GALNT13: variants seen among roughly 807,000 people sequenced by gnomAD.
GALNT13 encodes the protein UDP-GalNAc:polypeptide N-acetylgalactosaminyltransferase 13.
Under a neutral mutation model 64.2 loss-of-function variants are expected in GALNT13, and 28 were observed. The observed-to-expected ratio is 0.44, with a 90% CI of 0.32 to 0.60. The LOEUF is 0.60. Among genes scored for constraint, GALNT13 ranks in the 20% least tolerant of loss-of-function variants. The pLI is 0.05. For synonymous variants in GALNT13, 214 were observed against 224.6 expected (o/e 0.95, Z 0.42); for missense variants, 577 against 669.8 (o/e 0.86, Z 1.53).
the GALNT13 span, among the ~76,000 whole-genome samples, chr2:153,345,700 T>TTTCC: frequency 1.1e-4 from 15 of 140,568 alleles, no homozygotes; most frequent in Non-Finnish European, 2.0e-4. Flanking sequence ...TCTTTCTTTC[T>TTTCC]TTCTCTTTCT....
intron 4 of GALNT13, among the ~76,000 whole-genome samples, chr2:154,162,257 A>G (rs1225711998): frequency 6.6e-6 from 1 of 152,244 alleles, no homozygotes; most frequent in Non-Finnish European, 1.5e-5. Flanking sequence ...GTGGGGAAAT[A>G]TCTGTTTAAC....
intron 4 of GALNT13, among the ~76,000 whole-genome samples, chr2:154,175,824 C>A (rs1458870051): frequency 2.0e-5 from 3 of 152,062 alleles, no homozygotes; most frequent in South Asian, 4.1e-4. Flanking sequence ...CAGACACTTG[C>A]AACTATAATG....
chr2:153,630,736 A>C, the GALNT13 span, among the ~76,000 whole-genome samples: 1 of 133,482 alleles, frequency 7.5e-6, no homozygotes, highest in East Asian at 2.3e-4. Flanking sequence ...GTTAGACCTG[A>C]AACCATAAAA....
intron 12 of GALNT13, among the ~76,000 whole-genome samples, chr2:154,445,592 C>A (rs903852423): frequency 4.6e-5 from 7 of 151,666 alleles, no homozygotes; most frequent in African/African-American, 1.2e-4. Flanking sequence ...TTTATAGTTA[C>A]AGTTTTAATA....
the GALNT13 span, among the ~76,000 whole-genome samples, chr2:153,810,145 A>G: frequency 1.3e-5 from 2 of 151,948 alleles, no homozygotes; most frequent in African/African-American, 4.8e-5. Context: ...GTATTTTTTT[A>G]GTAGAGACAG....
Position 154,119,843 on chromosome 2 carries a change from G to A in GALNT13, c.143-20494G>A, listed in dbSNP as rs571649163. ...TGTATTGTTTTCCAAACTTTATTACGTTTTTCATCCATATATCCTTGTACT... is the reference window on the plus strand; with the variant it reads ...TGTATTGTTTTCCAAACTTTATTACATTTTTCATCCATATATCCTTGTACT... On this transcript the variant is annotated intron_variant, in intron 3 of 12. Coordinates refer to ENST00000392825, the MANE Select transcript of GALNT13 (RefSeq NM_052917.4). 1.4e-4 allele frequency among the ~76,000 whole-genome samples: 22 copies of A among 152,016 alleles called. No homozygotes were observed. The East Asian group carries it at 1.7e-3, about 12-fold the overall frequency.
At position 154,151,131 on chromosome 2, in the gene GALNT13, C is replaced by G. The variant is rs981187210; in HGVS notation, c.311+10626C>G. On this transcript the variant is annotated intron_variant, in intron 4 of 12. Coordinates refer to ENST00000392825, the MANE Select transcript of GALNT13 (RefSeq NM_052917.4). ...TCCCAGAGATTCTGGTATGTTGTGT[C>G]TTTGTTCTTGTTGGTTTCAAAGAAC... Among the ~76,000 whole-genome samples, 4 of 152,156 alleles carry G rather than the reference C, an allele frequency of 2.6e-5. No homozygotes were observed. In the South Asian group the frequency reaches 6.2e-4, roughly 24 times the overall value.
the GALNT13 span, among the ~76,000 whole-genome samples, chr2:153,727,030 C>G: frequency 1.3e-5 from 2 of 151,702 alleles, no homozygotes; most frequent in East Asian, 3.9e-4. Context: ...ACCATTGGGT[C>G]CAAACTGCTG....
At chr2:153,764,536 CA>C in the GALNT13 span, among the ~76,000 whole-genome samples, 5 of 148,808 alleles carry the variant, frequency 3.4e-5, no homozygotes, top group Admixed American at 1.3e-4. Flanking sequence ...AACTCCATCT[CA>C]AAAAAAAAGC....
the GALNT13 span, among the ~76,000 whole-genome samples, chr2:153,098,621 T>A: frequency 2.0e-5 from 3 of 152,240 alleles, no homozygotes; most frequent in African/African-American, 7.2e-5. Flanking sequence ...TTGTTGCATA[T>A]GGCTGTATTT....
chr2:153,605,285 C>G, the GALNT13 span, among the ~76,000 whole-genome samples: 1 of 152,024 alleles, frequency 6.6e-6, no homozygotes. Context: ...TTGATTGACT[C>G]TAGACCAAAA....
At chr2:154,068,407 A>G (rs750312608) in intron 3 of GALNT13, among the ~76,000 whole-genome samples, 32 of 151,994 alleles carry the variant, frequency 2.1e-4, no homozygotes, top group Non-Finnish European at 4.0e-4. Context: ...AGATATAGAC[A>G]TACTCCCATG....
the GALNT13 span, among the ~76,000 whole-genome samples, chr2:153,404,625 T>C: frequency 4.6e-5 from 7 of 152,196 alleles, no homozygotes; most frequent in Admixed American, 1.3e-4. Context: ...ATAATAAATT[T>C]GGAATCCAGG....
intron 3 of GALNT13, among the ~76,000 whole-genome samples, chr2:154,123,648 C>T (rs570132067): frequency 2.6e-5 from 4 of 151,972 alleles, no homozygotes; most frequent in South Asian, 4.1e-4. Context: ...CCTTAGAGAA[C>T]GGTTTGTCAT....
At chr2:153,232,376 C>T in the GALNT13 span, among the ~76,000 whole-genome samples, 2 of 152,124 alleles carry the variant, frequency 1.3e-5, no homozygotes, top group African/African-American at 2.4e-5. Flanking sequence ...CATGTGGTAC[C>T]TTCTAGGTGA....
intron 4 of GALNT13, among the ~76,000 whole-genome samples, chr2:154,150,356 C>T (rs1418208776): frequency 5.9e-5 from 9 of 151,320 alleles, no homozygotes; most frequent in Non-Finnish European, 1.0e-4. Context: ...ATTTTTGCTT[C>T]AATGTTCATC....
chr2:153,377,444 T>C, the GALNT13 span, among the ~76,000 whole-genome samples: 1 of 152,046 alleles, frequency 6.6e-6, no homozygotes, highest in Admixed American at 6.6e-5. Context: ...TGAGGGTGGA[T>C]CTCTTATGAA....
At chr2:153,256,770 C>G in the GALNT13 span, among the ~76,000 whole-genome samples, 1 of 152,286 alleles carries the variant, frequency 6.6e-6, no homozygotes, top group South Asian at 2.1e-4. Flanking sequence ...GCTCGGGGGT[C>G]AAGGGTCAGG....
intron 3 of GALNT13, among the ~76,000 whole-genome samples, chr2:154,025,825 G>T (rs111676998): frequency 2.0e-5 from 3 of 152,144 alleles, no homozygotes; most frequent in Non-Finnish European, 1.5e-5. Context: ...TTGAGGGAAA[G>T]GGGGTAAGCA....
Sources: allele counts gnomAD v4.1 joint callset (sites outside exome capture counted in the v4.1 genomes callset), GRCh38; gene constraint gnomAD v4.1.1; transcripts MANE v1.5; gene names NCBI Gene and HGNC (gene_info 2026-07-23, HGNC 2026-07-21).